The following OTUD7A variants were observed in gnomAD, a reference collection of about 807,000 sequenced individuals.
The protein encoded by OTUD7A is OTU domain-containing protein 7A.
In OTUD7A, 12 loss-of-function variants were observed where a neutral mutation model predicts 65.7. The observed-to-expected ratio is 0.18, with a 90% CI of 0.12 to 0.30. The LOEUF is 0.30. OTUD7A is among the 10% of genes least tolerant of loss of function. OTUD7A has a pLI of 1.00. For synonymous variants in OTUD7A, 641 were observed against 586.3 expected (o/e 1.09, Z -1.35); for missense variants, 1,148 against 1,304.8 (o/e 0.88, Z 1.85).
At chr15:31,695,186 A>G (rs1893048912) in intron 1 of OTUD7A, among the ~76,000 whole-genome samples, 1 of 143,222 alleles carries the variant, frequency 7.0e-6, no homozygotes, top group South Asian at 2.5e-4. Flanking sequence ...GGATGAGCAC[A>G]GGGTGGTTCC....
At chr15:31,627,652 T>C (rs1891003358) in intron 3 of OTUD7A, among the ~76,000 whole-genome samples, 1 of 152,206 alleles carries the variant, frequency 6.6e-6, no homozygotes, top group African/African-American at 2.4e-5. Context: ...TCTAGATCCC[T>C]GAGGAATCGC....
At chr15:31,808,377 C>A (rs114280862) in intron 1 of OTUD7A, among the ~76,000 whole-genome samples, 32 of 152,146 alleles carry the variant, frequency 2.1e-4, no homozygotes, top group African/African-American at 7.5e-4. Context: ...CCAGCACAGA[C>A]CTCATTCACA....
intron 3 of OTUD7A, among the ~76,000 whole-genome samples, chr15:31,619,177 A>G (rs1011017999): frequency 2.6e-5 from 4 of 152,088 alleles, no homozygotes; most frequent in South Asian, 2.1e-4. Context: ...GGTTACTGCA[A>G]CCTTGTAGTA....
At chr15:31,715,274 C>G (rs1041637444) in intron 1 of OTUD7A, among the ~76,000 whole-genome samples, 22 of 148,628 alleles carry the variant, frequency 1.5e-4, no homozygotes, top group African/African-American at 4.7e-4. Flanking sequence ...GCTGTTCCAC[C>G]TCTGCAGCTT....
intron 1 of OTUD7A, among the ~76,000 whole-genome samples, chr15:31,776,813 T>C (rs1374665429): frequency 1.3e-5 from 2 of 152,150 alleles, no homozygotes; most frequent in African/African-American, 4.8e-5. Flanking sequence ...GTAAGTGAAA[T>C]TGGGCTTTAA....
intron 1 of OTUD7A, among the ~76,000 whole-genome samples, chr15:31,775,400 CT>C (rs1270595223): frequency 6.6e-6 from 1 of 151,864 alleles, no homozygotes; most frequent in Non-Finnish European, 1.5e-5. Flanking sequence ...GGAGTTTATA[CT>C]CCAATAAGAA....
At chr15:31,793,565 C>T (rs1162481021) in intron 1 of OTUD7A, among the ~76,000 whole-genome samples, 2 of 152,226 alleles carry the variant, frequency 1.3e-5, no homozygotes, top group Non-Finnish European at 2.9e-5. Flanking sequence ...CTCCGTCATC[C>T]TTAAATTACA....
chr15:31,789,626 T>C (rs73380525), intron 1 of OTUD7A, among the ~76,000 whole-genome samples: 2,512 of 151,622 alleles, frequency 0.017, 74 homozygotes, highest in African/African-American at 0.058. Flanking sequence ...GCACATTCAA[T>C]AGAAACATAT....
intron 3 of OTUD7A, among the ~76,000 whole-genome samples, chr15:31,646,005 T>C (rs1891650088): frequency 1.3e-5 from 2 of 152,252 alleles, no homozygotes; most frequent in African/African-American, 4.8e-5. Context: ...AGCAGCCTCC[T>C]CTTTCCTGCC....
At chr15:31,716,667 G>A (rs1473125860) in intron 1 of OTUD7A, among the ~76,000 whole-genome samples, 1 of 139,688 alleles carries the variant, frequency 7.2e-6, no homozygotes, top group Admixed American at 7.3e-5. Flanking sequence ...GGGGAATGCT[G>A]CATGGAACCT....
intron 1 of OTUD7A, chr15:31,766,615 C>G: frequency 1.2e-6 from 2 of 1,608,156 alleles, no homozygotes; most frequent in South Asian, 2.2e-5. Flanking sequence ...TTGATAATAA[C>G]TATTCCTTCT....
chr15:31,725,449 T>G (rs1036811372), intron 1 of OTUD7A, among the ~76,000 whole-genome samples: 1 of 152,218 alleles, frequency 6.6e-6, no homozygotes, highest in Non-Finnish European at 1.5e-5. Flanking sequence ...TATCTGCATC[T>G]TTCAAAGAGA....
At chr15:31,493,941 A>C (rs988820701) in intron 10 of OTUD7A, among the ~76,000 whole-genome samples, 9 of 152,224 alleles carry the variant, frequency 5.9e-5, no homozygotes, top group Admixed American at 5.9e-4. Flanking sequence ...TTCTGCCTTA[A>C]GAAACTAGAA....
intron 1 of OTUD7A, among the ~76,000 whole-genome samples, chr15:31,702,126 T>G (rs2141328877): frequency 9.3e-6 from 1 of 107,882 alleles, no homozygotes; most frequent in South Asian, 3.7e-4. Flanking sequence ...ATAGAATACT[T>G]TCAACTTAAC....
At chr15:31,864,760 TACACAC>T (rs72128495) in intron 1 of OTUD7A, among the ~76,000 whole-genome samples, 254 of 146,108 alleles carry the variant, frequency 1.7e-3, no homozygotes, top group Middle Eastern at 3.4e-3. Context: ...CTCCTCTTCC[TACACAC>T]ACACACACAC....
At chr15:31,670,030 C>A (rs1215605421) in intron 1 of OTUD7A, among the ~76,000 whole-genome samples, 7 of 144,604 alleles carry the variant, frequency 4.8e-5, no homozygotes, top group African/African-American at 2.0e-4. Flanking sequence ...CAGTCTGCTT[C>A]CTTCAGAGGG....
chr15:31,605,776 G>C (rs1242037150), intron 3 of OTUD7A, among the ~76,000 whole-genome samples: 2 of 152,334 alleles, frequency 1.3e-5, no homozygotes, highest in East Asian at 3.9e-4. Flanking sequence ...CATCGCTACA[G>C]TGCTGCATGC....
At chr15:31,616,465 T>C (rs1486731258) in intron 3 of OTUD7A, among the ~76,000 whole-genome samples, 1 of 152,244 alleles carries the variant, frequency 6.6e-6, no homozygotes, top group African/African-American at 2.4e-5. Flanking sequence ...GTTGGGGGTT[T>C]GCAAATTATG....
intron 5 of OTUD7A, among the ~76,000 whole-genome samples, chr15:31,534,784 G>A (rs1030515270): frequency 3.9e-5 from 6 of 152,122 alleles, no homozygotes; most frequent in African/African-American, 1.4e-4. Context: ...CTGGGACCCC[G>A]CCGACATACA....
Sources: allele counts gnomAD v4.1 joint callset (sites outside exome capture counted in the v4.1 genomes callset), GRCh38; gene constraint gnomAD v4.1.1; transcripts MANE v1.5; gene names NCBI Gene and HGNC (gene_info 2026-07-23, HGNC 2026-07-21).